The following MAPKBP1 variants were observed in gnomAD, a reference collection of about 807,000 sequenced individuals.
The protein encoded by MAPKBP1 is mitogen-activated protein kinase-binding protein 1.
Under a neutral mutation model 170.5 loss-of-function variants are expected in MAPKBP1, and 71 were observed. That is an observed-to-expected ratio of 0.42 (90% CI 0.34 to 0.51). MAPKBP1 has a LOEUF of 0.51. MAPKBP1 is among the 20% of genes least tolerant of loss of function. The pLI is 0.06. For synonymous variants in MAPKBP1, 719 were observed against 757.9 expected (o/e 0.95, Z 0.84); for missense variants, 1,598 against 1,933.0 (o/e 0.83, Z 3.25).
At chr15:41,824,207 C>T in intron 29 of MAPKBP1, 146 bp downstream of exon 29, 3 of 1,145,594 alleles carry the variant, frequency 2.6e-6, no homozygotes, top group East Asian at 2.4e-5. Flanking sequence ...CCGTAAGTCA[C>T]ACCCCTGATG....
intron 2 of MAPKBP1, among the ~76,000 whole-genome samples, chr15:41,777,674 A>G (rs565191296): frequency 1.3e-5 from 2 of 152,004 alleles, no homozygotes; most frequent in Non-Finnish European, 2.9e-5. Context: ...GACTCCCCAC[A>G]CTCCTTAGTA....
Position 41,827,513 on chromosome 15 carries a change from G to T in MAPKBP1, c.*2077G>T. 6.6e-6 allele frequency: 1 copy of T among 152,132 alleles called. No individual in the cohort carries two copies. Among genetic ancestry groups the T allele is most frequent in the South Asian group, 2.1e-4 (1 of 4,822 alleles). The allele number at this position is 152,132 out of a possible 1,614,324, so 9.4% of individuals were successfully genotyped here. A position where few individuals can be genotyped will look rare whatever the true frequency, so the allele number is the denominator to read the frequency against. ...CCCACCGCAGGTGGGACTCAGGTTC[G>T]CCCTCTGGGCCAGGTCCTTCACGAG... On this transcript the variant is annotated 3_prime_UTR_variant, in exon 31 of 31. Transcript: ENST00000457542.
chr15:41,825,450 G>A lies in MAPKBP1; in HGVS notation c.*14G>A, dbSNP rs2065075129. 6.3e-7 allele frequency: 1 copy of A among 1,583,324 alleles called. No individual in the cohort carries two copies. The highest frequency in any genetic ancestry group is 1.1e-5 in the South Asian group (1 of 88,850). ...CGCAAACTCTGAGTTCTGGAAGCCT[G>A]TCCCAAGTGAATGAATGCTCCAGCG... On this transcript the variant is annotated 3_prime_UTR_variant, in exon 31 of 31. Coordinates refer to ENST00000457542, the MANE Select transcript of MAPKBP1 (RefSeq NM_014994.3).
At chr15:41,794,547 G>T (rs1005700250) in intron 2 of MAPKBP1, among the ~76,000 whole-genome samples, 3 of 152,012 alleles carry the variant, frequency 2.0e-5, no homozygotes, top group Non-Finnish European at 2.9e-5. Context: ...GCTTGTCCTC[G>T]GTCGGTCATA....
chr15:41,809,496 G>A (rs16972089), intron 3 of MAPKBP1, among the ~76,000 whole-genome samples: 24,645 of 152,140 alleles, frequency 0.16, 2,059 homozygotes, highest in South Asian at 0.18. Flanking sequence ...CAGTAGTGGC[G>A]TTCAGATATG....
At chr15:41,822,151 GCC>G (rs775083285) in intron 25 of MAPKBP1, 41 bp downstream of exon 25, 6 of 1,386,132 alleles carry the variant, frequency 4.3e-6, no homozygotes, top group Admixed American at 1.8e-5. Context: ...GGGGGGTGGG[GCC>G]TGGAGGTGGG....
In MAPKBP1 at chr15:41,817,490, G is replaced by T; in HGVS notation, c.1782+32G>T. 1 of 1,612,254 alleles carries T rather than the reference G, an allele frequency of 6.2e-7. No individual in the cohort carries two copies. The highest frequency in any genetic ancestry group is 8.5e-7 in the Non-Finnish European group (1 of 1,178,334). On this transcript the variant is annotated intron_variant, in intron 15 of 30. Transcript: ENST00000457542. The surrounding 1 kb of genome is among the most constrained non-coding windows in gnomAD (Gnocchi z 4.2). ...GCGCTGGGCTTTCCTGAGAGGGGCGGGACAGGGCGGGGTCTGCCATTCCCT... is the reference window on the plus strand; with the variant it reads ...GCGCTGGGCTTTCCTGAGAGGGGCGTGACAGGGCGGGGTCTGCCATTCCCT...
Position 41,819,315 on chromosome 15 carries a change from TG to T in MAPKBP1, c.2362del (p.Glu788ArgfsTer38). 6.2e-7 allele frequency: 1 copy of T among 1,614,138 alleles called. No individual in the cohort carries two copies. The highest frequency in any genetic ancestry group is 2.2e-5 in the East Asian group (1 of 44,876). On this transcript the variant is annotated frameshift_variant, in exon 21 of 31. Transcript: ENST00000457542. LOFTEE classifies it high-confidence loss of function. ...SSDSDKEGEDEGTEEELPALP... is the reference protein window; with the variant it reads ...SSDSDKEGEDXGTEEELPALP... ...CAGACAGTGACAAGGAGGGAGAAGA[TG>T]AGGGGACTGAAGAAGAACTTCCAGC...
intron 3 of MAPKBP1, among the ~76,000 whole-genome samples, chr15:41,807,563 C>CA (rs2064721517): frequency 6.6e-6 from 1 of 152,166 alleles, no homozygotes; most frequent in Non-Finnish European, 1.5e-5. Flanking sequence ...AACCTGTCCC[C>CA]ATTCAGACTA....
At chr15:41,819,750 G>T (rs1378409506) in intron 22 of MAPKBP1, 100 bp downstream of exon 22, 22 of 1,224,902 alleles carry the variant, frequency 1.8e-5, no homozygotes, top group Non-Finnish European at 2.3e-5. Flanking sequence ...GGGGCATGGG[G>T]TCTGCCCACA....
In MAPKBP1 at chr15:41,809,381, C is replaced by T. The variant is rs534462262; in HGVS notation, c.207-1502C>T. Among the ~76,000 whole-genome samples the T allele has an allele frequency of 1.1e-4, 16 of 152,264 alleles. No homozygotes were observed. In the East Asian group the frequency reaches 2.1e-3, roughly 20 times the overall value. ...CAGTTCTGGGCATATCTAGTCACATCGGAGGTCCCAGTGTCCCCAAATTTG... is the reference window on the plus strand; with the variant it reads ...CAGTTCTGGGCATATCTAGTCACATTGGAGGTCCCAGTGTCCCCAAATTTG... On this transcript the variant is annotated intron_variant, in intron 3 of 30. Coordinates refer to ENST00000457542, the MANE Select transcript of MAPKBP1 (RefSeq NM_014994.3).
At chr15:41,811,264 G>C (rs1174479764) in intron 5 of MAPKBP1, 29 bp downstream of exon 5, 1 of 1,613,762 alleles carries the variant, frequency 6.2e-7, no homozygotes. Context: ...TGGCAGTACT[G>C]TAAAGAGGGC....
intron 3 of MAPKBP1, among the ~76,000 whole-genome samples, chr15:41,809,629 T>A (rs2064768149): frequency 6.6e-6 from 1 of 152,164 alleles, no homozygotes; most frequent in African/African-American, 2.4e-5. Flanking sequence ...CTATTTCCAG[T>A]GCTAATGAAG....
chr15:41,804,472 A>G (rs2064655471), intron 3 of MAPKBP1, among the ~76,000 whole-genome samples: 1 of 152,224 alleles, frequency 6.6e-6, no homozygotes, highest in Non-Finnish European at 1.5e-5. Flanking sequence ...TGGGAAAGCC[A>G]GGTTCCCTCT....
At position 41,813,786 on chromosome 15, in the gene MAPKBP1, G is replaced by A; in HGVS notation, c.980+5G>A. 6.3e-7 allele frequency: 1 copy of A among 1,579,286 alleles called. No individual in the cohort carries two copies. The highest frequency in any genetic ancestry group is 8.6e-7 in the Non-Finnish European group (1 of 1,163,436). The stretch of plus-strand genomic sequence containing the variant: ...TGCTAGCGTCACCGAGGCCAGGTGA[G>A]CTATGTGGGCCCCCCTTCCTCCATT... On this transcript the variant is annotated splice_donor_5th_base_variant and intron_variant, in intron 9 of 30. Coordinates refer to ENST00000457542, the MANE Select transcript of MAPKBP1 (RefSeq NM_014994.3).
chr15:41,814,026 G>A (rs538615414), intron 9 of MAPKBP1, among the ~76,000 whole-genome samples: 9 of 152,202 alleles, frequency 5.9e-5, no homozygotes, highest in South Asian at 4.1e-4. Context: ...TTGGGTTTGC[G>A]TTGGGTGATT....
chr15:41,812,140 G>A lies in MAPKBP1; in HGVS notation c.498+13G>A, dbSNP rs2064817556. On this transcript the variant is annotated intron_variant, in intron 6 of 30. Coordinates refer to ENST00000457542, the MANE Select transcript of MAPKBP1 (RefSeq NM_014994.3). ...GTGGGCCTGGAAGGTGAGTGGCTGG[G>A]TGGGGTGGCCTGGCAGCCTCACAGG... 2 of 1,613,878 alleles carry A rather than the reference G, an allele frequency of 1.2e-6. No homozygotes were observed. Among genetic ancestry groups the A allele is most frequent in the Non-Finnish European group, 1.7e-6 (2 of 1,179,916 alleles).
Position 41,825,756 on chromosome 15 carries a change from C to G in MAPKBP1, c.*320C>G, listed in dbSNP as rs548560957. 2.1e-5 allele frequency: 6 copies of G among 289,328 alleles called. No individual in the cohort carries two copies. Among genetic ancestry groups the G allele is most frequent in the Non-Finnish European group, 3.9e-5 (6 of 153,788 alleles). 17.9% of individuals were successfully genotyped at this position (289,328 alleles called of 1,614,324 possible). On this transcript the variant is annotated 3_prime_UTR_variant, in exon 31 of 31. Coordinates refer to ENST00000457542, the MANE Select transcript of MAPKBP1 (RefSeq NM_014994.3). The stretch of plus-strand genomic sequence containing the variant: ...TCTAGGAATCTGGGAAGGGCTGGCC[C>G]TCTCTTAGAAGCCATTTGAAATTAC...
chr15:41,823,245 T>C (rs1158530244), intron 28 of MAPKBP1, 23 bp downstream of exon 28: 41 of 1,607,476 alleles, frequency 2.6e-5, no homozygotes, highest in Non-Finnish European at 2.9e-5. Flanking sequence ...ATGGGTTCAG[T>C]GCCAGGGTGC....
Sources: gnomAD v4.1 joint callset for allele counts (sites outside exome capture counted in the v4.1 genomes callset) on GRCh38, gnomAD v4.1.1 for gene constraint, Gnocchi (gnomAD v3.1) non-coding constraint, MANE v1.5 for transcripts, NCBI Gene and HGNC (gene_info 2026-07-23, HGNC 2026-07-21) for gene names.